The following LONRF2 variants were observed in gnomAD, a reference collection of about 807,000 sequenced individuals.
The protein encoded by LONRF2 is LON peptidase N-terminal domain and RING finger protein 2.
Under a neutral mutation model 66.6 loss-of-function variants are expected in LONRF2, and 35 were observed. The ratio of observed to expected loss-of-function variants is 0.53; its 90% CI spans 0.40 to 0.70. The LOEUF (loss-of-function observed/expected upper bound fraction) is 0.70. Ranked by LOEUF, LONRF2 falls within the 30% of genes least tolerant of loss-of-function variation. The probability of loss-of-function intolerance (pLI) is 0.00; values close to 1 mark genes in which losing one functional copy is unlikely to be tolerated. For synonymous variants in LONRF2, 417 were observed against 418.1 expected, an observed-to-expected ratio of 1.00 and a Z score of 0.03; for missense variants, 902 against 1,002.1, an observed-to-expected ratio of 0.90 and a Z score of 1.35.
intron 1 of LONRF2, among the ~76,000 whole-genome samples, chr2:100,312,745 T>C (rs1383164578): frequency 6.6e-6 from 1 of 152,222 alleles, no homozygotes; most frequent in Non-Finnish European, 1.5e-5. Context: ...GATACATTTG[T>C]GAGGACAGCA....
In LONRF2 at chr2:100,284,096, C is replaced by CT; in HGVS notation, c.*201dup. The stretch of plus-strand genomic sequence containing the variant: ...TTTCCAACTATGGGCTCCATTCAGA[C>CT]TTCAGGCTAACCTCACACAAGGTCA... On this transcript the variant is annotated 3_prime_UTR_variant, in exon 12 of 12. Transcript: ENST00000393437. 1.9e-6 allele frequency: 1 copy of CT among 513,638 alleles called. No individual in the cohort carries two copies. 31.8% of individuals were successfully genotyped at this position (513,638 alleles called of 1,614,324 possible).
chr2:100,286,352 C>T (rs1169892648), intron 11 of LONRF2, among the ~76,000 whole-genome samples: 2 of 152,048 alleles, frequency 1.3e-5, no homozygotes, highest in Admixed American at 6.6e-5. Flanking sequence ...GAGGAGAGGC[C>T]CACCTGAGCT....
At chr2:100,320,430 A>G (rs1675596923) in intron 1 of LONRF2, among the ~76,000 whole-genome samples, 1 of 152,222 alleles carries the variant, frequency 6.6e-6, no homozygotes, top group South Asian at 2.1e-4. Flanking sequence ...CACTTGTTCA[A>G]TATTTGGATC....
At position 100,273,805 on chromosome 2, in the gene LONRF2, T is replaced by C. The variant is rs1306216512; in HGVS notation, c.*10493A>G. On this transcript the variant is annotated 3_prime_UTR_variant, in exon 12 of 12. Coordinates refer to ENST00000393437, the MANE Select transcript of LONRF2 (RefSeq NM_198461.4). ...TTCAATTCCTAATTGGTAAAATCAT[T>C]TCACAACTCTAAAATTAAGATGCTA... 1 of 152,196 alleles carries C rather than the reference T, an allele frequency of 6.6e-6. No homozygotes were observed. The highest frequency in any genetic ancestry group is 1.5e-5 in the Non-Finnish European group (1 of 68,036). The allele number at this position is 152,196 out of a possible 1,614,324, so 9.4% of individuals were successfully genotyped here. A position where few individuals can be genotyped will look rare whatever the true frequency, so the allele number is the denominator to read the frequency against.
chr2:100,291,006 A>G (rs900698135), intron 9 of LONRF2, among the ~76,000 whole-genome samples: 2 of 152,132 alleles, frequency 1.3e-5, no homozygotes, highest in Non-Finnish European at 2.9e-5. Context: ...AATATAGAAC[A>G]CTAAAAAGAA....
At chr2:100,304,105 C>T (rs1675240062) in intron 2 of LONRF2, among the ~76,000 whole-genome samples, 1 of 151,928 alleles carries the variant, frequency 6.6e-6, no homozygotes, top group Non-Finnish European at 1.5e-5. Flanking sequence ...TTAACCCTAC[C>T]TAGAAATTTT....
intron 1 of LONRF2, among the ~76,000 whole-genome samples, chr2:100,311,718 T>C (rs567132766): frequency 1.1e-4 from 16 of 152,276 alleles, no homozygotes; most frequent in African/African-American, 3.8e-4. Flanking sequence ...AGTTAGGTGA[T>C]TTCTCTCCCA....
intron 3 of LONRF2, among the ~76,000 whole-genome samples, chr2:100,301,018 A>G (rs1312588940): frequency 6.6e-6 from 1 of 152,152 alleles, no homozygotes; most frequent in African/African-American, 2.4e-5. Context: ...CAATGACAAA[A>G]TGATAGCAAT....
At position 100,321,181 on chromosome 2, in the gene LONRF2, A is replaced by G. The variant is rs537894938; in HGVS notation, c.679+234T>C. Among the ~76,000 whole-genome samples the G allele has an allele frequency of 2.6e-5, 4 of 152,296 alleles. No homozygotes were observed. The East Asian group carries it at 7.7e-4, about 29-fold the overall frequency. ...ACAGAGCTGCTCCGGGGGCCGCGGG[A>G]AACTTACCAGCATCCTGGAAAAGAC... On this transcript the variant is annotated intron_variant, in intron 1 of 11. Transcript: ENST00000393437.
In LONRF2 at chr2:100,322,439, C is replaced by A. The variant is rs1675660953; in HGVS notation, c.-346G>T. ...CAGGTCGCTGCGGTAACGCAGTGACCGCGCTCCAGGTCCGCGTCTCTTGCG... is the reference window on the plus strand; with the variant it reads ...CAGGTCGCTGCGGTAACGCAGTGACAGCGCTCCAGGTCCGCGTCTCTTGCG... On this transcript the variant is annotated 5_prime_UTR_variant, in exon 1 of 12. Transcript: ENST00000393437. The A allele has an allele frequency of 1.0e-5, 2 of 193,650 alleles. No individual in the cohort carries two copies. Among genetic ancestry groups the A allele is most frequent in the South Asian group, 1.9e-4 (1 of 5,234 alleles). The allele number at this position is 193,650 out of a possible 1,614,324, so 12.0% of individuals were successfully genotyped here. A position where few individuals can be genotyped will look rare whatever the true frequency, so the allele number is the denominator to read the frequency against.
rs2104225496 is a variant in LONRF2, at chr2:100,321,702, G to A, written c.392C>T (p.Ala131Val). ...GTCGCGGGGCGCGCGGGGCTCCGGG[G>A]CCGGCCCTCCCTCGCCGGGCGCCTC... ...EPEAPGEGGPAPEPRAPRDLL... is the reference protein window; with the variant it reads ...EPEAPGEGGPVPEPRAPRDLL... The change falls in exon 1 of 12, where the codon GCC (alanine) becomes GTC (valine). Residue 131 changes from alanine to valine, a missense_variant. Physicochemically the swap from Ala to Val is moderately conservative, Grantham distance 64 (BLOSUM62 0). Coordinates refer to ENST00000393437, the MANE Select transcript of LONRF2 (RefSeq NM_198461.4). 1 of 1,200,296 alleles carries A rather than the reference G, an allele frequency of 8.3e-7. No homozygotes were observed. The highest frequency in any genetic ancestry group is 4.1e-5 in the South Asian group (1 of 24,536). 74.4% of individuals were successfully genotyped at this position (1,200,296 alleles called of 1,614,324 possible). A position where few individuals can be genotyped will look rare whatever the true frequency, so the allele number is the denominator to read the frequency against.
chr2:100,285,085 A>T (rs1211125843), intron 11 of LONRF2, among the ~76,000 whole-genome samples: 1 of 152,256 alleles, frequency 6.6e-6, no homozygotes, highest in Admixed American at 6.5e-5. Flanking sequence ...GCAAAAGCCG[A>T]TCATAAACTC....
At chr2:100,290,210 A>C (rs759616105) in intron 10 of LONRF2, 48 bp downstream of exon 10, 111 of 1,544,748 alleles carry the variant, frequency 7.2e-5, no homozygotes, top group Non-Finnish European at 9.6e-5. Context: ...TGCAAAGGGA[A>C]GCGAGAGGAC....
chr2:100,316,283 C>A (rs1675503871), intron 1 of LONRF2, among the ~76,000 whole-genome samples: 2 of 138,130 alleles, frequency 1.4e-5, no homozygotes, highest in Admixed American at 7.6e-5. Flanking sequence ...CGTGCCACTG[C>A]ACTCCAGCCT....
rs1208880740 is a variant in LONRF2 at position 100,322,189 on chromosome 2, G to A, written c.-96C>T. ...ACTGGCCGGCGGGAGCGCGGTCTCA[G>A]CCCTCGCCAGCAGCCACGCGCGTCT... On this transcript the variant is annotated 5_prime_UTR_variant, in exon 1 of 12. Coordinates refer to ENST00000393437, the MANE Select transcript of LONRF2 (RefSeq NM_198461.4). The A allele has an allele frequency of 3.9e-5, 43 of 1,110,766 alleles. No homozygotes were observed. The highest frequency in any genetic ancestry group is 1.1e-6 in the Non-Finnish European group (1 of 901,412). 68.8% of individuals were successfully genotyped at this position (1,110,766 alleles called of 1,614,324 possible).
chr2:100,286,215 A>C (rs1464311967), intron 11 of LONRF2, among the ~76,000 whole-genome samples: 1 of 152,168 alleles, frequency 6.6e-6, no homozygotes, highest in Non-Finnish European at 1.5e-5. Context: ...ACATCACCCT[A>C]AACCAGCTGA....
Position 100,309,176 on chromosome 2 carries a change from G to A in LONRF2, c.729C>T (p.Thr243=). ...LLLLRAELYL[T]MKNYEQALQD... is the part of the protein sequence containing the mutation. Reference sequence around the variant, plus strand: ...GGAGAGCTTGCTCATAGTTCTTCATGGTCAAATATAACTCCGCCCGCAGCA... The same window carrying A: ...GGAGAGCTTGCTCATAGTTCTTCATAGTCAAATATAACTCCGCCCGCAGCA... The change falls in exon 2 of 12, where the codon ACC becomes ACT. Residue 243 remains threonine (T), a synonymous_variant. Coordinates refer to ENST00000393437, the MANE Select transcript of LONRF2 (RefSeq NM_198461.4). 6.2e-7 allele frequency: 1 copy of A among 1,608,670 alleles called. No individual in the cohort carries two copies. The highest frequency in any genetic ancestry group is 8.5e-7 in the Non-Finnish European group (1 of 1,178,350).
At chr2:100,319,120 TA>T (rs10658854) in intron 1 of LONRF2, among the ~76,000 whole-genome samples, 222 of 140,386 alleles carry the variant, frequency 1.6e-3, no homozygotes, top group African/African-American at 2.4e-3. Context: ...GACTCCGTCT[TA>T]AAAAAAAAAA....
intron 2 of LONRF2, among the ~76,000 whole-genome samples, chr2:100,307,173 GC>G (rs1675315619): frequency 6.6e-6 from 1 of 152,170 alleles, no homozygotes; most frequent in Non-Finnish European, 1.5e-5. Context: ...GCCCGTCTCG[GC>G]CTCCGAAAGT....
Sources: allele counts gnomAD v4.1 joint callset (sites outside exome capture counted in the v4.1 genomes callset), GRCh38; gene constraint gnomAD v4.1.1; transcripts MANE v1.5; gene names NCBI Gene and HGNC (gene_info 2026-07-23, HGNC 2026-07-21).